Variants in COL18A1 observed in about 807,000 individuals in gnomAD.
COL18A1 encodes the protein collagen alpha-1(XVIII) chain.
A neutral mutation model predicts 168.0 loss-of-function variants in COL18A1; 133 were observed. The ratio of observed to expected loss-of-function variants is 0.79; its 90% confidence interval spans 0.69 to 0.91. The LOEUF (loss-of-function observed/expected upper bound fraction) is 0.91, where lower values mean the gene tolerates loss of function less well. COL18A1 is among the 40% of genes least tolerant of loss of function. The pLI, the probability that COL18A1 is intolerant of heterozygous loss-of-function variation, is 0.00. For synonymous variants in COL18A1, 949 were observed against 809.0 expected (o/e 1.17, Z -2.94); for missense variants, 2,126 against 1,925.4 (o/e 1.10, Z -1.95).
intron 38 of COL18A1, among the ~76,000 whole-genome samples, chr21:45,508,470 G>GGTGGGTGA (rs928036515): frequency 6.6e-6 from 1 of 151,492 alleles, no homozygotes; most frequent in East Asian, 1.9e-4. Flanking sequence ...TGGATGGACA[G>GGTGGGTGA]GTGGGTGAGT....
At chr21:45,453,145 CAT>C (rs1245235499) in intron 2 of COL18A1, among the ~76,000 whole-genome samples, 5 of 150,736 alleles carry the variant, frequency 3.3e-5, no homozygotes, top group South Asian at 2.1e-4. Context: ...CGAGTATTCA[CAT>C]GTGACATGTG....
Position 45,510,229 on chromosome 21 carries a change from G to T in COL18A1, c.3661G>T (p.Asp1221Tyr). ...CCTGTACAGCATCGTGCGCCGTGCCGACCGCGCAGCCGTGCCCATCGTCAA... is the reference window on the plus strand; with the variant it reads ...CCTGTACAGCATCGTGCGCCGTGCCTACCGCGCAGCCGTGCCCATCGTCAA... ...QDLYSIVRRA[D>Y]RAAVPIVNLK... is the part of the protein sequence containing the mutation. The change falls in exon 40 of 42, where the codon GAC becomes TAC. Residue 1221 changes from aspartate to tyrosine, a missense_variant. Physicochemically the swap from Asp to Tyr is radical, Grantham distance 160. Transcript: ENST00000651438. 1 of 1,606,294 alleles carries T rather than the reference G, an allele frequency of 6.2e-7. No individual in the cohort carries two copies. The highest frequency in any genetic ancestry group is 8.5e-7 in the Non-Finnish European group (1 of 1,177,116).
In COL18A1 at chr21:45,504,541, C is replaced by T. The variant is rs2146075430; in HGVS notation, c.2853C>T (p.Gly951=). ...PGPPGPPGPR[G]YPGIPGPKGE... ...CCCCAGGCCCCCCAGGCCCACGTGGCTACCCTGGGATTCCAGTAAGTCCCA... is the reference window on the plus strand; with the variant it reads ...CCCCAGGCCCCCCAGGCCCACGTGGTTACCCTGGGATTCCAGTAAGTCCCA... The change falls in exon 34 of 42, where the codon GGC becomes GGT. Residue 951 remains glycine (G), a synonymous_variant. Transcript: ENST00000651438. The T allele has an allele frequency of 3.2e-6, 5 of 1,576,896 alleles. No homozygotes were observed. The highest frequency in any genetic ancestry group is 4.3e-6 in the Non-Finnish European group (5 of 1,162,290).
chr21:45,500,467 T>C (rs1267517243), intron 32 of COL18A1, among the ~76,000 whole-genome samples: 1 of 69,006 alleles, frequency 1.4e-5, no homozygotes, highest in Non-Finnish European at 2.8e-5. Context: ...GTGTGTAGTG[T>C]GGGGGTGTGG....
rs1298942632 is a variant in COL18A1, at chr21:45,471,796, C to T, written c.652-2099C>T. Among the ~76,000 whole-genome samples, 7 of 152,118 alleles carry T rather than the reference C, an allele frequency of 4.6e-5. 1 individual carries two copies. The South Asian group carries it at 6.2e-4, about 14-fold the overall frequency. On this transcript the variant is annotated intron_variant, in intron 3 of 41. Transcript: ENST00000651438. The surrounding 1 kb of genome is among the most constrained non-coding windows in gnomAD (Gnocchi z 4.4). ...CCAGGGCGCTGAGGCTGCAGCGTGT[C>T]GGGAAGCATTTTACATGCTCTTCCC... is the stretch of plus-strand genomic sequence containing the variant.
In COL18A1 at chr21:45,504,437, G is replaced by C. The variant is rs1482481003; in HGVS notation, c.2749G>C (p.Asp917His). ...ACAGGGGGAGAAGGGAGACCGAGGT[G>C]ATGCAGGACAGAAAGGCGAAAGGGG... is the stretch of plus-strand genomic sequence containing the variant. The part of the protein sequence containing the change: ...EMKGEKGDRG[D>H]AGQKGERGEP... Residue 917 changes from aspartate to histidine, a missense_variant, in exon 34 of 42, where the codon GAT (aspartate) becomes CAT (histidine). Asp to His is a moderately conservative substitution (Grantham distance 81). Coordinates refer to ENST00000651438, the MANE Select transcript of COL18A1 (RefSeq NM_001379500.1). The C allele has an allele frequency of 6.2e-7, 1 of 1,611,824 alleles. No individual in the cohort carries two copies. Among genetic ancestry groups the C allele is most frequent in the Non-Finnish European group, 8.5e-7 (1 of 1,179,450 alleles).
chr21:45,405,335 TCGCGGGGGTC>T lies in COL18A1; in HGVS notation c.12-42_12-33del, dbSNP rs1379437569. On this transcript the variant is annotated intron_variant, in intron 1 of 41. Transcript: ENST00000651438. ...GGGGCTCGGCCGGGTCCTGCGGGGG[TCGCGGGGGTC>T]CTGCGGGGTCTGACCCGTGCCTGTC... The T allele has an allele frequency of 4.5e-6, 5 of 1,122,420 alleles. No individual in the cohort carries two copies. In the African/African-American group the frequency reaches 7.8e-5, roughly 17 times the overall value. 69.5% of individuals were successfully genotyped at this position (1,122,420 alleles called of 1,614,324 possible). A position where few individuals can be genotyped will look rare whatever the true frequency, so the allele number is the denominator to read the frequency against.
chr21:45,477,616 C>A, intron 7 of COL18A1, 129 bp downstream of exon 7: 1 of 1,255,102 alleles, frequency 8.0e-7, no homozygotes, highest in Non-Finnish European at 1.1e-6. Flanking sequence ...GCACTCGGTG[C>A]CAGCATGCGT....
chr21:45,478,320 C>T lies in COL18A1; in HGVS notation c.1222-7C>T, dbSNP rs1212688730. 6.2e-7 allele frequency: 1 copy of T among 1,613,714 alleles called. No individual in the cohort carries two copies. The highest frequency in any genetic ancestry group is 1.1e-5 in the South Asian group (1 of 91,066). On this transcript the variant is annotated splice_polypyrimidine_tract_variant and splice_region_variant and intron_variant, in intron 8 of 41. Coordinates refer to ENST00000651438, the MANE Select transcript of COL18A1 (RefSeq NM_001379500.1). Reference sequence around the variant, plus strand: ...CCCATCACTAATGGCTTCTCTTGCACACCCAGGGCGACCCCGGTGAAGACG... The same window carrying T: ...CCCATCACTAATGGCTTCTCTTGCATACCCAGGGCGACCCCGGTGAAGACG...
intron 32 of COL18A1, among the ~76,000 whole-genome samples, chr21:45,500,180 AGTGTGG>A (rs1361889207): frequency 2.4e-5 from 1 of 42,174 alleles, no homozygotes; most frequent in African/African-American, 1.3e-4. Context: ...GGGGGTGTAT[AGTGTGG>A]GTGTGTGTGG....
Position 45,475,825 on chromosome 21 carries a change from T to TCGAGGCAA in COL18A1, c.798+291_798+292insGAGGCAAC, listed in dbSNP as rs1187583290. On this transcript the variant is annotated intron_variant, in intron 5 of 41. Transcript: ENST00000651438. ...TTGGTCTTCGAGGCAACCTTGGCCT[T>TCGAGGCAA]CCCTTCGCCCCATCCCTCCGTTAGC... Among the ~76,000 whole-genome samples the TCGAGGCAA allele has an allele frequency of 3.3e-5, 5 of 152,194 alleles. No individual in the cohort carries two copies. The East Asian group carries it at 5.8e-4, about 18-fold the overall frequency.
intron 12 of COL18A1, 45 bp downstream of exon 12, chr21:45,480,565 T>A (rs1002114763): frequency 9.9e-6 from 16 of 1,613,584 alleles, no homozygotes; most frequent in Admixed American, 1.7e-5. Context: ...TCTGTGCCCA[T>A]GAGGAACAGG....
At chr21:45,436,994 C>T (rs68033347) in intron 2 of COL18A1, among the ~76,000 whole-genome samples, 19,057 of 152,040 alleles carry the variant, frequency 0.13, 1,360 homozygotes, top group East Asian at 0.21. Flanking sequence ...GCTGGGGCTT[C>T]TGCTGTCTGC....
chr21:45,479,823 G>T lies in COL18A1; in HGVS notation c.1249-79G>T, dbSNP rs113263045. On this transcript the variant is annotated intron_variant, in intron 9 of 41. Transcript: ENST00000651438. The stretch of plus-strand genomic sequence containing the variant: ...CTCAGCTCCCGTCCGTCCCCTGCTT[G>T]GGGGAGGAGCACTGAGAGTGCTGGG... 4 of 1,591,362 alleles carry T rather than the reference G, an allele frequency of 2.5e-6. No individual in the cohort carries two copies. In the South Asian group the frequency reaches 3.3e-5, roughly 13 times the overall value.
chr21:45,472,885 G>C (rs528287958), intron 3 of COL18A1, among the ~76,000 whole-genome samples: 2 of 152,046 alleles, frequency 1.3e-5, no homozygotes, highest in African/African-American at 4.8e-5. Context: ...ATGCTCTCAC[G>C]CACATGTGCC....
At chr21:45,426,875 G>A (rs1333617933) in intron 2 of COL18A1, among the ~76,000 whole-genome samples, 4 of 152,212 alleles carry the variant, frequency 2.6e-5, no homozygotes, top group Non-Finnish European at 5.9e-5. Flanking sequence ...TGCTCCCCGC[G>A]GTGGAAGGAG....
intron 2 of COL18A1, among the ~76,000 whole-genome samples, chr21:45,433,594 C>T (rs1389096178): frequency 6.6e-6 from 1 of 152,176 alleles, no homozygotes; most frequent in African/African-American, 2.4e-5. Context: ...CTGGGCTTGT[C>T]CTATGAGAAG....
rs576411600 is a variant in COL18A1, at chr21:45,471,792, G to T, written c.652-2103G>T. 6.6e-6 allele frequency among the ~76,000 whole-genome samples: 1 copy of T among 152,152 alleles called. No homozygotes were observed. Among genetic ancestry groups the T allele is most frequent in the East Asian group, 1.9e-4 (1 of 5,206 alleles). ...ATTTCCAGGGCGCTGAGGCTGCAGC[G>T]TGTCGGGAAGCATTTTACATGCTCT... On this transcript the variant is annotated intron_variant, in intron 3 of 41. Transcript: ENST00000651438. The surrounding 1 kb of genome is among the most constrained non-coding windows in gnomAD (Gnocchi z 4.4).
At chr21:45,504,699 CGTGT>C in intron 34 of COL18A1, 143 bp downstream of exon 34, 2 of 724,872 alleles carry the variant, frequency 2.8e-6, no homozygotes, top group Non-Finnish European at 4.6e-6. Context: ...TCCCTGTCCC[CGTGT>C]GGGGACGCAG....
Sources: gnomAD v4.1 joint callset for allele counts (sites outside exome capture counted in the v4.1 genomes callset) on GRCh38, gnomAD v4.1.1 for gene constraint, Gnocchi (gnomAD v3.1) non-coding constraint, MANE v1.5 for transcripts, NCBI Gene and HGNC (gene_info 2026-07-23, HGNC 2026-07-21) for gene names.